Variants in RASGEF1C observed in about 807,000 individuals in gnomAD.
RASGEF1C encodes the protein ras-GEF domain-containing family member 1C.
In RASGEF1C, 27 loss-of-function variants were observed where a neutral mutation model predicts 58.1. The observed-to-expected ratio is 0.46, with a 90% CI of 0.34 to 0.64. The LOEUF (loss-of-function observed/expected upper bound fraction) is 0.64, where lower values mean the gene tolerates loss of function less well. RASGEF1C is among the 30% of genes least tolerant of loss of function. The pLI, the probability that RASGEF1C is intolerant of heterozygous loss-of-function variation, is 0.01. For missense variants in RASGEF1C, 502 were observed against 605.1 expected (o/e 0.83, Z 1.79); for synonymous variants, 243 against 246.3 (o/e 0.99, Z 0.13).
At chr5:180,149,001 T>A (rs890653060) in intron 1 of RASGEF1C, among the ~76,000 whole-genome samples, 2 of 150,000 alleles carry the variant, frequency 1.3e-5, no homozygotes, top group Non-Finnish European at 2.9e-5. Context: ...GTTGACAGGT[T>A]TTTTTACTTT....
chr5:180,118,902 T>TGGGACA, intron 8 of RASGEF1C, 36 bp from the exon 9 acceptor site: 1 of 1,592,324 alleles, frequency 6.3e-7, no homozygotes, highest in Non-Finnish European at 8.6e-7. Flanking sequence ...GGGCTGCTCC[T>TGGGACA]GGGACAGGGG....
chr5:180,202,913 A>G (rs1189833278), intron 1 of RASGEF1C, among the ~76,000 whole-genome samples: 1 of 152,028 alleles, frequency 6.6e-6, no homozygotes, highest in Non-Finnish European at 1.5e-5. Flanking sequence ...CGTGTTAGCC[A>G]GGATGGTCTC....
At chr5:180,173,017 G>A (rs1243156139) in intron 1 of RASGEF1C, among the ~76,000 whole-genome samples, 3 of 152,058 alleles carry the variant, frequency 2.0e-5, no homozygotes, top group African/African-American at 7.2e-5. Flanking sequence ...CAGCCCTTGG[G>A]GCCCTTCTGT....
rs1766839968 is a variant in RASGEF1C, at chr5:180,155,836, C to T, written c.-6-17778G>A. ...ACCTCCCAACCCGCATGCTGCCTTC[C>T]CTTCAGGAACTTCTCCCCGTTGGCT... On this transcript the variant is annotated intron_variant, in intron 1 of 13. Coordinates refer to ENST00000361132, the MANE Select transcript of RASGEF1C (RefSeq NM_175062.4). This position sits in a 1 kb window ranked among gnomAD's most constrained non-coding sequence, Gnocchi z 5.2. 6.6e-6 allele frequency among the ~76,000 whole-genome samples: 1 copy of T among 152,174 alleles called. No homozygotes were observed. The highest frequency in any genetic ancestry group is 1.5e-5 in the Non-Finnish European group (1 of 68,026).
rs187565969 is a variant in RASGEF1C at position 180,120,517 on chromosome 5, G to C, written c.804+543C>G. Among the ~76,000 whole-genome samples, 74 of 152,226 alleles carry C rather than the reference G, an allele frequency of 4.9e-4. No homozygotes were observed. In the East Asian group the frequency reaches 0.013, roughly 26 times the overall value. ...GCTTCAGCTCAAGGTGAGAGAGTGGGTTCAGAGGAGGGTCCCTCTGCTGCA... is the reference window on the plus strand; with the variant it reads ...GCTTCAGCTCAAGGTGAGAGAGTGGCTTCAGAGGAGGGTCCCTCTGCTGCA... On this transcript the variant is annotated intron_variant, in intron 7 of 13. Coordinates refer to ENST00000361132, the MANE Select transcript of RASGEF1C (RefSeq NM_175062.4).
At chr5:180,148,561 C>G (rs1766694229) in intron 1 of RASGEF1C, among the ~76,000 whole-genome samples, 1 of 152,148 alleles carries the variant, frequency 6.6e-6, no homozygotes, top group Non-Finnish European at 1.5e-5. Flanking sequence ...TTACAACACT[C>G]TAATTTGAAT....
chr5:180,102,274 C>G, intron 12 of RASGEF1C, 131 bp from the exon 13 acceptor site: 2 of 619,280 alleles, frequency 3.2e-6, no homozygotes, highest in Non-Finnish European at 5.8e-6. Context: ...TCCATCCCTC[C>G]CCTAATACTG....
At chr5:180,134,888 T>C in intron 4 of RASGEF1C, among the ~76,000 whole-genome samples, 1 of 538 alleles carries the variant, frequency 1.9e-3, no homozygotes, top group Non-Finnish European at 3.9e-3. Context: ...TTTCTCCCTC[T>C]CTTCTTTCCA....
chr5:180,163,254 C>CTTTTTTTTTTTTTTTT lies in RASGEF1C; in HGVS notation c.-6-25197_-6-25196insAAAAAAAAAAAAAAAA, dbSNP rs1187829324. On this transcript the variant is annotated intron_variant, in intron 1 of 13. Coordinates refer to ENST00000361132, the MANE Select transcript of RASGEF1C (RefSeq NM_175062.4). ...CACTTTTTTTTTTTTTTTTTTTTTC[C>CTTTTTTTTTTTTTTTT]AGCCTATTGCACTGGCTAGGACTTC... Among the ~76,000 whole-genome samples, 154 of 71,036 alleles carry CTTTTTTTTTTTTTTTT rather than the reference C, an allele frequency of 2.2e-3. 35 individuals carry two copies. The highest frequency in any genetic ancestry group is 7.8e-3 in the East Asian group (16 of 2,054). The allele number at this position is 71,036 out of a possible 152,430, so 46.6% of individuals were successfully genotyped here.
intron 1 of RASGEF1C, among the ~76,000 whole-genome samples, chr5:180,171,441 G>A (rs1181245794): frequency 6.6e-6 from 1 of 152,056 alleles, no homozygotes; most frequent in African/African-American, 2.4e-5. Flanking sequence ...GGGAGACCCC[G>A]CAGTGACAAG....
At chr5:180,185,339 C>T (rs1438323319) in intron 1 of RASGEF1C, among the ~76,000 whole-genome samples, 1 of 151,560 alleles carries the variant, frequency 6.6e-6, no homozygotes, top group African/African-American at 2.4e-5. Flanking sequence ...AATCCCAGCA[C>T]TTTGGGAGGC....
At chr5:180,179,316 G>A (rs1767282518) in intron 1 of RASGEF1C, among the ~76,000 whole-genome samples, 1 of 152,154 alleles carries the variant, frequency 6.6e-6, no homozygotes. Context: ...GGGAGTAGAG[G>A]GTGGTGGGAG....
intron 1 of RASGEF1C, among the ~76,000 whole-genome samples, chr5:180,200,092 T>A (rs1401079592): frequency 1.3e-5 from 2 of 151,862 alleles, no homozygotes; most frequent in Admixed American, 6.6e-5. Flanking sequence ...AAACCCTGTC[T>A]CTACTAAAAA....
intron 7 of RASGEF1C, among the ~76,000 whole-genome samples, chr5:180,120,579 C>T (rs4700874): frequency 0.57 from 86,135 of 152,100 alleles, 25,013 homozygotes; most frequent in East Asian, 0.75. Flanking sequence ...GGCGGGACCG[C>T]GACTCAGGGA....
intron 11 of RASGEF1C, 40 bp downstream of exon 11, chr5:180,114,406 G>A (rs368211320): frequency 3.1e-6 from 5 of 1,593,498 alleles, no homozygotes; most frequent in South Asian, 1.1e-5. Context: ...AACTTTTCCC[G>A]GCCTGTCTAC....
At chr5:180,119,151 G>A (rs567120251) in intron 8 of RASGEF1C, among the ~76,000 whole-genome samples, 195 bp downstream of exon 8, 1 of 152,370 alleles carries the variant, frequency 6.6e-6, no homozygotes, top group East Asian at 1.9e-4. Flanking sequence ...GGCTGGGCTT[G>A]CCTCAAAAGG....
In RASGEF1C at chr5:180,132,325, G is replaced by A. The variant is rs569505805; in HGVS notation, c.439-3715C>T. Reference sequence around the variant, plus strand: ...GCCGGGTGTGAATGCGGAGTCGTCCGACGGTGGCCTGGGCGGCAGCCACGG... The same window carrying A: ...GCCGGGTGTGAATGCGGAGTCGTCCAACGGTGGCCTGGGCGGCAGCCACGG... On this transcript the variant is annotated intron_variant, in intron 4 of 13. Transcript: ENST00000361132. 5.3e-5 allele frequency among the ~76,000 whole-genome samples: 8 copies of A among 152,326 alleles called. No homozygotes were observed. The South Asian group carries it at 1.2e-3, about 24-fold the overall frequency.
At chr5:180,189,808 A>G (rs1756111302) in intron 1 of RASGEF1C, among the ~76,000 whole-genome samples, 1 of 150,274 alleles carries the variant, frequency 6.7e-6, no homozygotes, top group Non-Finnish European at 1.5e-5. Flanking sequence ...CTGTAATCTC[A>G]GCTACTTGGG....
At chr5:180,122,740 T>TA (rs35004526) in intron 6 of RASGEF1C, among the ~76,000 whole-genome samples, 70,859 of 115,624 alleles carry the variant, frequency 0.61, 20,334 homozygotes, top group East Asian at 0.74. Context: ...AAACTTCATC[T>TA]AAAAAAAAAA....
Sources: gnomAD v4.1 joint callset for allele counts (sites outside exome capture counted in the v4.1 genomes callset) on GRCh38, gnomAD v4.1.1 for gene constraint, Gnocchi (gnomAD v3.1) non-coding constraint, MANE v1.5 for transcripts, NCBI Gene and HGNC (gene_info 2026-07-23, HGNC 2026-07-21) for gene names.